The following SYCP1 variants were observed in gnomAD, a reference collection of about 807,000 sequenced individuals.
SYCP1 encodes synaptonemal complex protein 1.
In SYCP1, 64 loss-of-function variants were observed where a neutral mutation model predicts 153.1. The observed-to-expected ratio is 0.42, with a 90% CI of 0.34 to 0.51. The LOEUF is 0.51. SYCP1 is among the 20% of genes least tolerant of loss of function. The pLI is 0.06. For missense variants in SYCP1, 997 were observed against 1,049.0 expected (o/e 0.95, Z 0.68); for synonymous variants, 384 against 341.8 (o/e 1.12, Z -1.36).
At chr1:114,916,142 G>A (rs1477897587) in intron 20 of SYCP1, among the ~76,000 whole-genome samples, 1 of 151,990 alleles carries the variant, frequency 6.6e-6, no homozygotes, top group East Asian at 1.9e-4. Flanking sequence ...TTTGTATGTG[G>A]TTTTTCCATT....
Position 114,914,062 on chromosome 1 carries a change from GGCCT to G in SYCP1, c.1718+18_1718+21del. ...CCAATTAAGGCAAGACTAACAAATT[GGCCT>G]TTTTTTGTCTGGCAAAAGATTTTGA... On this transcript the variant is annotated intron_variant, in intron 20 of 31. Coordinates refer to ENST00000369522, the MANE Select transcript of SYCP1 (RefSeq NM_003176.4). 6.6e-7 allele frequency: 1 copy of G among 1,515,432 alleles called. No individual in the cohort carries two copies. The highest frequency in any genetic ancestry group is 1.4e-5 in the South Asian group (1 of 71,618). 93.9% of individuals were successfully genotyped at this position (1,515,432 alleles called of 1,614,324 possible).
intron 20 of SYCP1, among the ~76,000 whole-genome samples, chr1:114,919,505 T>C (rs537249380): frequency 2.0e-5 from 3 of 152,198 alleles, no homozygotes; most frequent in South Asian, 2.1e-4. Flanking sequence ...ATCAGGGTAA[T>C]ACTTGCCTCA....
chr1:114,889,002 A>G, intron 15 of SYCP1, among the ~76,000 whole-genome samples: 1 of 152,138 alleles, frequency 6.6e-6, no homozygotes, highest in East Asian at 1.9e-4. Flanking sequence ...GATGGTTTCC[A>G]GCTTCATCCA....
chr1:114,857,156 A>AAAAAAAAAAAAAAAAAG (rs774041717), intron 3 of SYCP1, 76 bp from the exon 4 acceptor site: 16 of 921,424 alleles, frequency 1.7e-5, no homozygotes, highest in African/African-American at 8.4e-5. Flanking sequence ...AAAAAAAAAA[A>AAAAAAAAAAAAAAAAAG]AGAGAAAAAA....
intron 16 of SYCP1, among the ~76,000 whole-genome samples, chr1:114,900,159 G>C (rs1049849099): frequency 2.6e-5 from 4 of 152,180 alleles, no homozygotes; most frequent in African/African-American, 7.2e-5. Flanking sequence ...TGCACACACA[G>C]AGTTTTTGCA....
At position 114,947,837 on chromosome 1, in the gene SYCP1, A is replaced by G. The variant is rs868742781; in HGVS notation, c.2322+517A>G. Among the ~76,000 whole-genome samples, 1,097 of 149,372 alleles carry G rather than the reference A, an allele frequency of 7.3e-3. 19 individuals carry two copies. The highest frequency in any genetic ancestry group is 0.026 in the African/African-American group (1,040 of 40,600). Reference sequence around the variant, plus strand: ...AAAAAAAAAAAAAAAAAAAAAAAAAAAAAAAGAAAAGGAACCCTTTTTTTT... The same window carrying G: ...AAAAAAAAAAAAAAAAAAAAAAAAAGAAAAAGAAAAGGAACCCTTTTTTTT... On this transcript the variant is annotated intron_variant, in intron 27 of 31. Transcript: ENST00000369522.
At position 114,857,262 on chromosome 1, in the gene SYCP1, C is replaced by T; in HGVS notation, c.224C>T (p.Pro75Leu). The T allele has an allele frequency of 6.2e-7, 1 of 1,601,418 alleles. No individual in the cohort carries two copies. The highest frequency in any genetic ancestry group is 8.5e-7 in the Non-Finnish European group (1 of 1,173,454). The change falls in exon 4 of 32, where the codon CCC (proline) becomes CTC (leucine). Residue 75 changes from proline (P) to leucine (L), a missense_variant. By Grantham distance (98) the Pro-to-Leu change is moderately conservative (BLOSUM62 -3). Transcript: ENST00000369522. ...DPALQKVNFL[P>L]VLEQVGNSDC... is the part of the protein sequence containing the mutation. ...GCTTTACAAAAAGTTAATTTCTTGC[C>T]CGTGCTTGAGCAGGTCAGTTAAGCA...
chr1:114,911,379 A>G (rs1337686379), intron 17 of SYCP1, 100 bp from the exon 18 acceptor site: 9 of 767,336 alleles, frequency 1.2e-5, no homozygotes, highest in Non-Finnish European at 1.7e-5. Context: ...TAACCTGCCA[A>G]ATTTTTGCCA....
chr1:114,960,390 A>T (rs2101880092), intron 27 of SYCP1, among the ~76,000 whole-genome samples: 1 of 151,456 alleles, frequency 6.6e-6, no homozygotes, highest in South Asian at 2.1e-4. Flanking sequence ...CTTGTCTCGA[A>T]CTCCTGACCT....
At chr1:114,859,705 A>T in intron 6 of SYCP1, 38 bp from the exon 7 acceptor site, 1 of 986,176 alleles carries the variant, frequency 1.0e-6, no homozygotes, top group Non-Finnish European at 1.3e-6. Flanking sequence ...TTTTGCTAAT[A>T]AGCAAAATGG....
intron 30 of SYCP1, among the ~76,000 whole-genome samples, chr1:114,994,277 T>A (rs1376083630): frequency 2.0e-5 from 3 of 151,292 alleles, no homozygotes; most frequent in Non-Finnish European, 4.4e-5. Context: ...TATTATAAGT[T>A]TTTTTAGAAT....
At chr1:114,890,386 C>T (rs976774787) in intron 15 of SYCP1, among the ~76,000 whole-genome samples, 30 of 151,048 alleles carry the variant, frequency 2.0e-4, no homozygotes, top group Non-Finnish European at 3.0e-4. Flanking sequence ...TATTTATAAA[C>T]ATTAATTTAT....
chr1:114,887,530 C>A, intron 14 of SYCP1, 96 bp from the exon 15 acceptor site: 2 of 682,690 alleles, frequency 2.9e-6, no homozygotes, highest in Non-Finnish European at 2.4e-6. Context: ...TGAATCTATT[C>A]TAAGATATAT....
intron 9 of SYCP1, 41 bp downstream of exon 9, chr1:114,874,605 TTC>T: frequency 7.6e-7 from 1 of 1,323,564 alleles, no homozygotes; most frequent in Non-Finnish European, 1.0e-6. Context: ...ACATAGGAAT[TTC>T]TGAGCAAATT....
chr1:114,968,690 C>T (rs1672296333), intron 27 of SYCP1, among the ~76,000 whole-genome samples: 1 of 152,200 alleles, frequency 6.6e-6, no homozygotes, highest in South Asian at 2.1e-4. Flanking sequence ...ATTCATCAAA[C>T]TCAGTCTCCA....
intron 12 of SYCP1, among the ~76,000 whole-genome samples, chr1:114,881,759 C>T (rs1252784724): frequency 6.6e-6 from 1 of 152,096 alleles, no homozygotes; most frequent in African/African-American, 2.4e-5. Flanking sequence ...GCCTTGGCTT[C>T]CCAAAGTCCT....
intron 23 of SYCP1, among the ~76,000 whole-genome samples, chr1:114,927,409 G>A (rs1428148102): frequency 6.6e-6 from 1 of 151,990 alleles, no homozygotes; most frequent in African/African-American, 2.4e-5. Context: ...AAATAACACT[G>A]AAATAACCCA....
intron 14 of SYCP1, 114 bp from the exon 15 acceptor site, chr1:114,887,512 C>A: frequency 1.9e-6 from 1 of 538,958 alleles, no homozygotes; most frequent in Non-Finnish European, 3.2e-6. Flanking sequence ...GTTTAACAAT[C>A]CAGTGGGTGA....
At chr1:114,930,597 G>A (rs569246267) in intron 23 of SYCP1, among the ~76,000 whole-genome samples, 1 of 151,968 alleles carries the variant, frequency 6.6e-6, no homozygotes, top group South Asian at 2.1e-4. Flanking sequence ...ATCTTTTAGG[G>A]AAGTTGAAAT....
Sources: gnomAD v4.1 joint callset for allele counts (sites outside exome capture counted in the v4.1 genomes callset) on GRCh38, gnomAD v4.1.1 for gene constraint, MANE v1.5 for transcripts, NCBI Gene and HGNC (gene_info 2026-07-23, HGNC 2026-07-21) for gene names.